Variants in UMAD1 observed in about 807,000 individuals in gnomAD.
UMAD1 encodes the protein UBAP1-MVB12-associated (UMA)-domain containing protein 1.
In UMAD1, 8 loss-of-function variants were observed where a neutral mutation model predicts 6.1. That is an observed-to-expected ratio of 1.30 (90% confidence interval 0.76 to 2.35). The LOEUF is 2.35. Ranked by LOEUF, UMAD1 falls within the 30% of genes most tolerant of loss-of-function variation. The probability of loss-of-function intolerance (pLI) is 0.00; values close to 1 mark genes in which losing one functional copy is unlikely to be tolerated. For missense variants in UMAD1, 130 were observed against 78.4 expected, an observed-to-expected ratio of 1.66 and a Z score of -2.49; for synonymous variants, 56 against 31.4, an observed-to-expected ratio of 1.78 and a Z score of -2.61.
At chr7:7,870,606 GC>G (rs1343827551) in intron 3 of UMAD1, among the ~76,000 whole-genome samples, 2 of 152,164 alleles carry the variant, frequency 1.3e-5, no homozygotes, top group East Asian at 3.8e-4. Flanking sequence ...TAAACCCCCA[GC>G]CCCCACCACT....
intron 3 of UMAD1, among the ~76,000 whole-genome samples, chr7:7,847,221 C>T (rs1168844228): frequency 6.9e-6 from 1 of 145,100 alleles, no homozygotes; most frequent in East Asian, 2.0e-4. Context: ...TTGCCTGGGA[C>T]TGTCCAGTTT....
At chr7:7,696,040 CTG>C (rs1391694049) in intron 2 of UMAD1, among the ~76,000 whole-genome samples, 1 of 139,310 alleles carries the variant, frequency 7.2e-6, no homozygotes, top group Non-Finnish European at 1.5e-5. Context: ...GATGGAGTCT[CTG>C]TTGCCCAGGC....
chr7:7,854,890 G>C (rs1783986304), intron 3 of UMAD1, among the ~76,000 whole-genome samples: 1 of 152,148 alleles, frequency 6.6e-6, no homozygotes, highest in African/African-American at 2.4e-5. Context: ...AGATACAATG[G>C]GGGTACAGGC....
chr7:7,844,862 A>T (rs770005044), intron 3 of UMAD1, among the ~76,000 whole-genome samples: 1 of 152,328 alleles, frequency 6.6e-6, no homozygotes, highest in East Asian at 1.9e-4. Flanking sequence ...TTATGCTTCT[A>T]AAAAGATTTT....
At chr7:7,826,533 A>G (rs982276467) in intron 3 of UMAD1, among the ~76,000 whole-genome samples, 7 of 152,140 alleles carry the variant, frequency 4.6e-5, no homozygotes, top group Non-Finnish European at 8.8e-5. Context: ...CTTTCGCCTC[A>G]ATTGGTGAAT....
intron 3 of UMAD1, among the ~76,000 whole-genome samples, chr7:7,833,138 A>G (rs923001035): frequency 1.3e-5 from 2 of 152,176 alleles, no homozygotes; most frequent in African/African-American, 2.4e-5. Context: ...TACTTAATTC[A>G]GCTGACACTG....
At chr7:7,677,887 A>G (rs1015767508) in intron 2 of UMAD1, among the ~76,000 whole-genome samples, 108 of 151,146 alleles carry the variant, frequency 7.1e-4, no homozygotes, top group Admixed American at 1.4e-3. Context: ...TTTAGCCGGG[A>G]TGGTCTCGAT....
rs546113370 is a variant in UMAD1 at position 7,851,178 on chromosome 7, T to G, written c.157-26103T>G. On this transcript the variant is annotated intron_variant, in intron 3 of 3. Coordinates refer to ENST00000682710, the MANE Select transcript of UMAD1 (RefSeq NM_001302348.2). The stretch of plus-strand genomic sequence containing the variant: ...AATATGTGGTCTTTTGTGACTGGCT[T>G]CTTTCAGTTAGTGTAACGTTTTCAA... 7.0e-4 allele frequency among the ~76,000 whole-genome samples: 107 copies of G among 152,292 alleles called. 1 individual carries two copies. Among genetic ancestry groups the G allele is most frequent in the African/African-American group, 2.4e-3 (101 of 41,582 alleles).
At chr7:7,782,246 G>GA (rs1348004936) in intron 2 of UMAD1, among the ~76,000 whole-genome samples, 1 of 117,780 alleles carries the variant, frequency 8.5e-6, no homozygotes, top group Admixed American at 8.2e-5. Flanking sequence ...GATAAATAAG[G>GA]GAAAAAATAA....
intron 2 of UMAD1, among the ~76,000 whole-genome samples, chr7:7,685,524 G>T (rs1479701987): frequency 2.6e-5 from 4 of 152,012 alleles, no homozygotes; most frequent in South Asian, 2.1e-4. Flanking sequence ...GGCCAGGATG[G>T]TCTCCATATC....
chr7:7,790,918 G>A (rs931254155), intron 2 of UMAD1, among the ~76,000 whole-genome samples: 1 of 152,018 alleles, frequency 6.6e-6, no homozygotes, highest in Admixed American at 6.6e-5. Context: ...ACAGAATCTT[G>A]CTTGCTCTGC....
chr7:7,868,918 C>G (rs919384803), intron 3 of UMAD1, among the ~76,000 whole-genome samples: 2 of 152,150 alleles, frequency 1.3e-5, no homozygotes, highest in Non-Finnish European at 2.9e-5. Context: ...TAGTGCCATT[C>G]AAAAACATTT....
chr7:7,731,605 T>C (rs1207415090), intron 2 of UMAD1, among the ~76,000 whole-genome samples: 3 of 152,090 alleles, frequency 2.0e-5, no homozygotes, highest in Admixed American at 2.0e-4. Flanking sequence ...AATTCGCTTA[T>C]GGTAATTAAC....
intron 2 of UMAD1, among the ~76,000 whole-genome samples, chr7:7,777,813 CAATATA>C (rs1782250107): frequency 6.6e-6 from 1 of 152,036 alleles, no homozygotes; most frequent in Non-Finnish European, 1.5e-5. Context: ...AGCTCCTTTT[CAATATA>C]GTTAAGGGGG....
chr7:7,748,240 G>A (rs77090599), intron 2 of UMAD1, among the ~76,000 whole-genome samples: 23 of 151,474 alleles, frequency 1.5e-4, no homozygotes, highest in Non-Finnish European at 3.1e-4. Flanking sequence ...CACCGTGCCC[G>A]GCCTATATGT....
chr7:7,729,000 A>G (rs1781195961), intron 2 of UMAD1, among the ~76,000 whole-genome samples: 1 of 152,246 alleles, frequency 6.6e-6, no homozygotes, highest in Admixed American at 6.5e-5. Flanking sequence ...TACAATGTTC[A>G]TAAGTGGTAT....
chr7:7,801,765 C>CT, intron 3 of UMAD1, 22 bp downstream of exon 3: 1 of 716,456 alleles, frequency 1.4e-6, no homozygotes, highest in South Asian at 1.5e-5. Context: ...AGAGTAAGTC[C>CT]TTTTCGGTGA....
At chr7:7,698,808 C>G (rs946811133) in intron 2 of UMAD1, among the ~76,000 whole-genome samples, 20 of 151,762 alleles carry the variant, frequency 1.3e-4, no homozygotes, top group African/African-American at 3.9e-4. Context: ...TGATTTGGAG[C>G]CAAAAACCAG....
In UMAD1 at chr7:7,696,649, G is replaced by C. The variant is rs147973569; in HGVS notation, c.82+23196G>C. On this transcript the variant is annotated intron_variant, in intron 2 of 3. Coordinates refer to ENST00000682710, the MANE Select transcript of UMAD1 (RefSeq NM_001302348.2). ...GTTGCCAGTAGCTCTCCCTCATACA[G>C]AACAAATGACTCACATGCTCAAGCT... Among the ~76,000 whole-genome samples, 376 of 152,146 alleles carry C rather than the reference G, an allele frequency of 2.5e-3. 1 individual carries two copies. The highest frequency in any genetic ancestry group is 8.7e-3 in the African/African-American group (360 of 41,534).
Sources: gnomAD v4.1 joint callset for allele counts (sites outside exome capture counted in the v4.1 genomes callset) on GRCh38, gnomAD v4.1.1 for gene constraint, MANE v1.5 for transcripts, NCBI Gene and HGNC (gene_info 2026-07-23, HGNC 2026-07-21) for gene names.